The following SCHIP1 variants were observed in gnomAD, a reference collection of about 807,000 sequenced individuals.
SCHIP1 encodes schwannomin-interacting protein 1.
In SCHIP1, 8 loss-of-function variants were observed where a neutral mutation model predicts 29.7. The observed-to-expected ratio is 0.27, with a 90% CI of 0.16 to 0.49. The LOEUF is 0.49. Ranked by LOEUF, SCHIP1 falls within the 20% of genes least tolerant of loss-of-function variation. The pLI is 0.99. For missense variants in SCHIP1, 193 were observed against 294.6 expected (o/e 0.66, Z 2.52); for synonymous variants, 76 against 94.9 (o/e 0.80, Z 1.16).
chr3:159,864,445 G>A (rs1409802774), intron 1 of SCHIP1, among the ~76,000 whole-genome samples: 1 of 139,954 alleles, frequency 7.1e-6, no homozygotes, highest in Non-Finnish European at 1.5e-5. Context: ...CTGTATAAAA[G>A]TAGTCTTTCA....
At chr3:159,894,508 T>TTC (rs1208533527) in intron 6 of SCHIP1, 1 of 152,218 alleles carries the variant, frequency 6.6e-6, no homozygotes, top group Non-Finnish European at 1.5e-5. Flanking sequence ...TGTTAAGACC[T>TTC]TCTCCTCAGT....
chr3:159,512,923 C>T, the SCHIP1 span, among the ~76,000 whole-genome samples: 1 of 152,174 alleles, frequency 6.6e-6, no homozygotes, highest in Non-Finnish European at 1.5e-5. Context: ...TCTTAGATCT[C>T]ACAAATCAGC....
the SCHIP1 span, among the ~76,000 whole-genome samples, chr3:159,539,158 A>C: frequency 5.3e-5 from 8 of 152,250 alleles, no homozygotes; most frequent in Admixed American, 3.9e-4. Flanking sequence ...GTGCCCATTG[A>C]AAGTTAAAAT....
At chr3:159,705,021 T>C in the SCHIP1 span, among the ~76,000 whole-genome samples, 1 of 152,024 alleles carries the variant, frequency 6.6e-6, no homozygotes, top group Non-Finnish European at 1.5e-5. Context: ...TGGACTGCAA[T>C]GGCACAATCT....
chr3:159,634,588 C>A, the SCHIP1 span, among the ~76,000 whole-genome samples: 1 of 152,310 alleles, frequency 6.6e-6, no homozygotes, highest in East Asian at 1.9e-4. Context: ...TGCCTGTGCT[C>A]CACTGCAAAT....
At chr3:159,489,878 A>AAATT in the SCHIP1 span, among the ~76,000 whole-genome samples, 1 of 151,984 alleles carries the variant, frequency 6.6e-6, no homozygotes, top group African/African-American at 2.4e-5. Context: ...TATATTAAAA[A>AAATT]AATTATATAT....
At chr3:159,692,855 A>G in the SCHIP1 span, among the ~76,000 whole-genome samples, 11 of 152,160 alleles carry the variant, frequency 7.2e-5, no homozygotes, top group Admixed American at 4.6e-4. Flanking sequence ...TAACAAAAAT[A>G]TTTGTTGGAA....
At chr3:159,462,090 A>T in the SCHIP1 span, among the ~76,000 whole-genome samples, 1 of 151,964 alleles carries the variant, frequency 6.6e-6, no homozygotes, top group Non-Finnish European at 1.5e-5. Context: ...CGCACCTGTA[A>T]TCCTAGCTAC....
the SCHIP1 span, among the ~76,000 whole-genome samples, chr3:159,373,253 C>T: frequency 1.3e-5 from 2 of 151,054 alleles, no homozygotes; most frequent in Non-Finnish European, 3.0e-5. Flanking sequence ...CAGTTATATA[C>T]ATATATGAAT....
chr3:159,778,425 T>G, the SCHIP1 span, among the ~76,000 whole-genome samples: 2 of 152,210 alleles, frequency 1.3e-5, no homozygotes, highest in Non-Finnish European at 2.9e-5. Flanking sequence ...TGTTAATATC[T>G]TATATGTCTA....
At chr3:159,394,776 C>G in the SCHIP1 span, among the ~76,000 whole-genome samples, 25 of 152,208 alleles carry the variant, frequency 1.6e-4, no homozygotes, top group Middle Eastern at 3.4e-3. Context: ...CTAAAATTCT[C>G]TTTTTTGGTT....
At chr3:159,682,677 G>A in the SCHIP1 span, among the ~76,000 whole-genome samples, 1 of 152,180 alleles carries the variant, frequency 6.6e-6, no homozygotes, top group Non-Finnish European at 1.5e-5. Context: ...AAGATGAAGT[G>A]TGGAATCTGA....
chr3:159,345,548 C>A, the SCHIP1 span, among the ~76,000 whole-genome samples: 1 of 138,678 alleles, frequency 7.2e-6, no homozygotes, highest in African/African-American at 2.9e-5. Flanking sequence ...ACAGCAGTGT[C>A]TCTCTTTCTC....
chr3:159,455,683 T>C, the SCHIP1 span, among the ~76,000 whole-genome samples: 45 of 152,306 alleles, frequency 3.0e-4, no homozygotes, highest in Admixed American at 5.2e-4. Flanking sequence ...ATCCTAATGA[T>C]CAAGGTTCTT....
At chr3:159,690,218 T>C in the SCHIP1 span, among the ~76,000 whole-genome samples, 613 of 152,306 alleles carry the variant, frequency 4.0e-3, 1 homozygote, top group African/African-American at 0.014. Context: ...TGTGAATCTG[T>C]ATGGTCCTGG....
At chr3:159,441,119 G>A in the SCHIP1 span, among the ~76,000 whole-genome samples, 1 of 152,134 alleles carries the variant, frequency 6.6e-6, no homozygotes, top group African/African-American at 2.4e-5. Context: ...CCAAAAGAGA[G>A]GCCTTGAAAC....
the SCHIP1 span, among the ~76,000 whole-genome samples, chr3:159,640,305 T>C: frequency 2.6e-5 from 4 of 152,158 alleles, no homozygotes; most frequent in African/African-American, 9.7e-5. Context: ...TGAGGTGCTC[T>C]AATCCTGATT....
At chr3:159,484,099 G>A in the SCHIP1 span, among the ~76,000 whole-genome samples, 1 of 152,010 alleles carries the variant, frequency 6.6e-6, no homozygotes, top group South Asian at 2.1e-4. Flanking sequence ...AGTGGGGAGG[G>A]TACCAGAGAC....
At chr3:159,360,323 T>G in the SCHIP1 span, among the ~76,000 whole-genome samples, 2 of 152,218 alleles carry the variant, frequency 1.3e-5, no homozygotes, top group Non-Finnish European at 2.9e-5. Context: ...GGTGTACAGT[T>G]GCATGCATTT....
Sources: gnomAD v4.1 joint callset for allele counts (sites outside exome capture counted in the v4.1 genomes callset) on GRCh38, gnomAD v4.1.1 for gene constraint, MANE v1.5 for transcripts, NCBI Gene and HGNC (gene_info 2026-07-23, HGNC 2026-07-21) for gene names.